The following GXYLT2 variants were observed in gnomAD, a reference collection of about 807,000 sequenced individuals.
GXYLT2 encodes the protein glycosyltransferase 8 domain containing 4.
In GXYLT2, 53 loss-of-function variants were observed where a neutral mutation model predicts 45.8. The ratio of observed to expected loss-of-function variants is 1.16; its 90% CI spans 0.93 to 1.46. The LOEUF (loss-of-function observed/expected upper bound fraction) is 1.46, where lower values mean the gene tolerates loss of function less well. Among genes scored for constraint, GXYLT2 ranks in the 40% most tolerant of loss-of-function variants. The pLI, the probability that GXYLT2 is intolerant of heterozygous loss-of-function variation, is 0.00. For missense variants in GXYLT2, 551 were observed against 544.4 expected (o/e 1.01, Z -0.12); for synonymous variants, 219 against 214.2 (o/e 1.02, Z -0.19).
chr3:72,966,905 G>T lies in GXYLT2; in HGVS notation c.977-642G>T, dbSNP rs772241060. Reference sequence around the variant, plus strand: ...CTCCCAAAGTGCTGGGATTACAGGCGTGAGCCACCATGCCTGGCCCAGCTG... The same window carrying T: ...CTCCCAAAGTGCTGGGATTACAGGCTTGAGCCACCATGCCTGGCCCAGCTG... On this transcript the variant is annotated intron_variant, in intron 5 of 6. Transcript: ENST00000389617. Among the ~76,000 whole-genome samples the T allele has an allele frequency of 1.1e-4, 17 of 152,224 alleles. No individual in the cohort carries two copies. In the East Asian group the frequency reaches 2.3e-3, roughly 21 times the overall value.
chr3:72,929,126 C>G, intron 3 of GXYLT2: 1 of 1,589,558 alleles, frequency 6.3e-7, no homozygotes, highest in Non-Finnish European at 8.5e-7. Context: ...CAACCTGGAG[C>G]TCTACGCCTC....
intron 3 of GXYLT2, 46 bp downstream of exon 3, chr3:72,922,381 A>G (rs762591337): frequency 6.3e-7 from 1 of 1,582,554 alleles, no homozygotes; most frequent in South Asian, 1.2e-5. Context: ...TCCTGGAAAT[A>G]AGGTAAAATT....
intron 1 of GXYLT2, among the ~76,000 whole-genome samples, chr3:72,902,046 AT>A (rs1201694819): frequency 2.0e-5 from 3 of 152,218 alleles, no homozygotes; most frequent in Admixed American, 6.5e-5. Flanking sequence ...ATACTATTCC[AT>A]TGTATGGATA....
intron 5 of GXYLT2, among the ~76,000 whole-genome samples, chr3:72,965,428 T>C (rs866178487): frequency 5.7e-4 from 86 of 152,160 alleles, no homozygotes; most frequent in African/African-American, 2.0e-3. Context: ...GTGTTACTGA[T>C]TTGCTGTAAT....
At chr3:72,904,805 C>G (rs1434908726) in intron 1 of GXYLT2, among the ~76,000 whole-genome samples, 1 of 150,828 alleles carries the variant, frequency 6.6e-6, no homozygotes, top group Non-Finnish European at 1.5e-5. Context: ...ATTTGGGAGG[C>G]CAAGGTGGGC....
chr3:72,933,004 A>G (rs945914601), intron 3 of GXYLT2, among the ~76,000 whole-genome samples: 3 of 152,214 alleles, frequency 2.0e-5, no homozygotes, highest in Non-Finnish European at 4.4e-5. Flanking sequence ...AAAGAGAATA[A>G]TAATATTGCC....
chr3:72,961,561 C>T (rs934093754), intron 5 of GXYLT2, among the ~76,000 whole-genome samples: 2 of 151,156 alleles, frequency 1.3e-5, no homozygotes, highest in Non-Finnish European at 2.9e-5. Flanking sequence ...TCTGTTTGCC[C>T]ATGGCCCAAC....
rs140061353 is a variant in GXYLT2, at chr3:72,906,215, A to C, written c.276-2152A>C. Among the ~76,000 whole-genome samples, 563 of 152,312 alleles carry C rather than the reference A, an allele frequency of 3.7e-3. 4 individuals carry two copies. Among genetic ancestry groups the C allele is most frequent in the African/African-American group, 0.013 (532 of 41,554 alleles). On this transcript the variant is annotated intron_variant, in intron 1 of 6. Coordinates refer to ENST00000389617, the MANE Select transcript of GXYLT2 (RefSeq NM_001080393.2). ...CAACCATGAAGCCAAGGAAGAGACC[A>C]GGCCTGTGAGTCTTGCAGGCGGGGG...
In GXYLT2 at chr3:72,888,208, GGCC is replaced by G. The variant is rs1015286524; in HGVS notation, c.-11_-9del. 1.0e-4 allele frequency: 103 copies of G among 982,398 alleles called. No homozygotes were observed. The highest frequency in any genetic ancestry group is 2.3e-4 in the South Asian group (5 of 22,126). 60.9% of individuals were successfully genotyped at this position (982,398 alleles called of 1,614,324 possible). A position where few individuals can be genotyped will look rare whatever the true frequency, so the allele number is the denominator to read the frequency against. ...GCGCAGAGGGGCCGAGCCGCCTGGG[GGCC>G]GCCGCCGCCGCCGCGCCGCACCATG... On this transcript the variant is annotated 5_prime_UTR_variant, in exon 1 of 7. Transcript: ENST00000389617.
At chr3:72,974,783 G>A (rs7610684) in intron 6 of GXYLT2, among the ~76,000 whole-genome samples, 194 bp from the exon 7 acceptor site, 124,692 of 151,986 alleles carry the variant, frequency 0.82, 51,874 homozygotes, top group African/African-American at 0.95. Flanking sequence ...ACTGAGGTTC[G>A]GAGAGTTTAA....
chr3:72,912,999 TC>T (rs1239886438), intron 2 of GXYLT2, among the ~76,000 whole-genome samples: 1 of 152,022 alleles, frequency 6.6e-6, no homozygotes, highest in Non-Finnish European at 1.5e-5. Context: ...GATGACTTTA[TC>T]CCTTTGATGG....
chr3:72,961,925 T>C (rs1294367895), intron 5 of GXYLT2, among the ~76,000 whole-genome samples: 2 of 152,134 alleles, frequency 1.3e-5, no homozygotes, highest in Non-Finnish European at 2.9e-5. Context: ...GAATTCTGCC[T>C]GAGGGAAGAG....
chr3:72,890,667 C>G (rs1299505060), intron 1 of GXYLT2, among the ~76,000 whole-genome samples: 1 of 152,132 alleles, frequency 6.6e-6, no homozygotes, highest in Non-Finnish European at 1.5e-5. Context: ...TTCAAGGTGT[C>G]GAGAACAGTG....
At chr3:72,970,223 C>T (rs1319498633) in intron 6 of GXYLT2, among the ~76,000 whole-genome samples, 1 of 151,438 alleles carries the variant, frequency 6.6e-6, no homozygotes, top group East Asian at 1.9e-4. Context: ...TGGTGGTGCA[C>T]GCCTATAATC....
Position 72,920,799 on chromosome 3 carries a change from C to CATAT in GXYLT2, c.469-1392_469-1389dup, listed in dbSNP as rs377277874. 2.2e-3 allele frequency among the ~76,000 whole-genome samples: 313 copies of CATAT among 144,452 alleles called. 3 individuals carry two copies. The highest frequency in any genetic ancestry group is 0.016 in the East Asian group (80 of 5,062). The allele number at this position is 144,452 out of a possible 152,430, so 94.8% of individuals were successfully genotyped here. A position where few individuals can be genotyped will look rare whatever the true frequency, so the allele number is the denominator to read the frequency against. On this transcript the variant is annotated intron_variant, in intron 2 of 6. Transcript: ENST00000389617. Reference sequence around the variant, plus strand: ...TTTCTTTACATATAAAATGTACATGCATATATATATATATATGTATTTTTT... The same window carrying CATAT: ...TTTCTTTACATATAAAATGTACATGCATATATATATATATATATATGTATTTTTT...
intron 2 of GXYLT2, among the ~76,000 whole-genome samples, chr3:72,918,527 C>A (rs1709776610): frequency 6.6e-6 from 1 of 151,870 alleles, no homozygotes; most frequent in South Asian, 2.1e-4. Flanking sequence ...GGCATTAACT[C>A]AAAAAAATTG....
At chr3:72,929,032 A>G in intron 3 of GXYLT2, 3 of 1,506,446 alleles carry the variant, frequency 2.0e-6, no homozygotes, top group Non-Finnish European at 2.7e-6. Context: ...GCCTCTCCTT[A>G]GCCGCCGCCG....
chr3:72,927,660 T>C (rs1268393823), intron 3 of GXYLT2, among the ~76,000 whole-genome samples: 1 of 152,174 alleles, frequency 6.6e-6, no homozygotes, highest in African/African-American at 2.4e-5. Context: ...TATAGGAATA[T>C]ATTAAAAATC....
At chr3:72,959,188 G>T (rs1710719595) in intron 5 of GXYLT2, among the ~76,000 whole-genome samples, 1 of 140,318 alleles carries the variant, frequency 7.1e-6, no homozygotes, top group South Asian at 2.3e-4. Flanking sequence ...CATGATCTCG[G>T]CTCACTGTAA....
Sources: gnomAD v4.1 joint callset for allele counts (sites outside exome capture counted in the v4.1 genomes callset) on GRCh38, gnomAD v4.1.1 for gene constraint, MANE v1.5 for transcripts, NCBI Gene and HGNC (gene_info 2026-07-23, HGNC 2026-07-21) for gene names.